TBL1XR1: variants seen among roughly 807,000 people sequenced by gnomAD.
TBL1XR1 encodes the protein F-box-like/WD repeat-containing protein TBL1XR1.
A neutral mutation model predicts 66.9 loss-of-function variants in TBL1XR1; 5 were observed. That is an observed-to-expected ratio of 0.07 (90% CI 0.04 to 0.16). The LOEUF (loss-of-function observed/expected upper bound fraction) is 0.16, where lower values mean the gene tolerates loss of function less well. TBL1XR1 is among the 10% of genes least tolerant of loss of function. The pLI is 1.00. For synonymous variants in TBL1XR1, 210 were observed against 206.0 expected, an observed-to-expected ratio of 1.02 and a Z score of -0.17; for missense variants, 238 against 623.2, an observed-to-expected ratio of 0.38 and a Z score of 6.58.
intron 14 of TBL1XR1, among the ~76,000 whole-genome samples, chr3:177,031,892 T>C (rs944244317): frequency 4.6e-5 from 7 of 151,994 alleles, no homozygotes; most frequent in African/African-American, 9.7e-5. Flanking sequence ...TTTTAGTCTA[T>C]AAAGAGCTGC....
intron 1 of TBL1XR1, among the ~76,000 whole-genome samples, chr3:177,192,839 C>T (rs1160392578): frequency 6.6e-6 from 1 of 152,144 alleles, no homozygotes; most frequent in African/African-American, 2.4e-5. Context: ...TGACTGTCCC[C>T]TTACACTGAT....
At chr3:177,070,169 T>C (rs751025108) in intron 2 of TBL1XR1, among the ~76,000 whole-genome samples, 5 of 152,166 alleles carry the variant, frequency 3.3e-5, no homozygotes, top group African/African-American at 4.8e-5. Context: ...ATGAGTCACT[T>C]TGATTTAAGT....
At chr3:177,125,568 CTTT>C (rs1015074499) in intron 1 of TBL1XR1, among the ~76,000 whole-genome samples, 1 of 152,056 alleles carries the variant, frequency 6.6e-6, no homozygotes, top group Admixed American at 6.6e-5. Context: ...TGACAAGTGT[CTTT>C]TTTATTTCAC....
At chr3:177,130,127 A>T (rs543779221) in intron 1 of TBL1XR1, among the ~76,000 whole-genome samples, 1 of 141,810 alleles carries the variant, frequency 7.1e-6, no homozygotes, top group Non-Finnish European at 1.5e-5. Flanking sequence ...CCTGGGCGAC[A>T]GACTGAGACT....
At chr3:177,191,416 C>T (rs1321383996) in intron 1 of TBL1XR1, among the ~76,000 whole-genome samples, 1 of 152,224 alleles carries the variant, frequency 6.6e-6, no homozygotes, top group African/African-American at 2.4e-5. Flanking sequence ...CTAGAATTCA[C>T]ACAAACTGGG....
At chr3:177,034,432 G>T in intron 12 of TBL1XR1, 107 bp from the exon 13 acceptor site, 1 of 660,416 alleles carries the variant, frequency 1.5e-6, no homozygotes, top group Non-Finnish European at 2.2e-6. Context: ...AAACATGAGT[G>T]ATATAACCAG....
chr3:177,032,571 G>C (rs920638027), intron 14 of TBL1XR1: 1 of 154,074 alleles, frequency 6.5e-6, no homozygotes, highest in Admixed American at 6.5e-5. Flanking sequence ...TAATGTAGTT[G>C]TAAGTTTCTT....
At chr3:177,053,656 G>A (rs1717408843) in intron 4 of TBL1XR1, 117 bp downstream of exon 4, 4 of 989,760 alleles carry the variant, frequency 4.0e-6, no homozygotes, top group Non-Finnish European at 6.0e-6. Context: ...TGAACTGCCT[G>A]CACTTTTGTT....
At position 177,170,654 on chromosome 3, in the gene TBL1XR1, G is replaced by A. The variant is rs147235765; in HGVS notation, c.-122+26467C>T. Reference sequence around the variant, plus strand: ...CAATGGTTTTTGTTGTTGTTGTTTTGGGACAGGGTCTCACTGTGTCACTCA... The same window carrying A: ...CAATGGTTTTTGTTGTTGTTGTTTTAGGACAGGGTCTCACTGTGTCACTCA... On this transcript the variant is annotated intron_variant, in intron 1 of 15. Transcript: ENST00000457928. Among the ~76,000 whole-genome samples, 460 of 152,128 alleles carry A rather than the reference G, an allele frequency of 3.0e-3. 1 individual carries two copies. Among genetic ancestry groups the A allele is most frequent in the African/African-American group, 0.011 (447 of 41,472 alleles).
intron 2 of TBL1XR1, among the ~76,000 whole-genome samples, chr3:177,072,801 C>A (rs949015452): frequency 6.6e-6 from 1 of 152,198 alleles, no homozygotes. Context: ...CAGTGGCTCA[C>A]GCCTGTAATC....
intron 2 of TBL1XR1, among the ~76,000 whole-genome samples, chr3:177,072,528 T>C (rs566146427): frequency 3.3e-5 from 5 of 152,126 alleles, no homozygotes; most frequent in Admixed American, 2.0e-4. Context: ...AAAGGTGATA[T>C]TATGAAAATC....
intron 2 of TBL1XR1, among the ~76,000 whole-genome samples, chr3:177,086,336 T>C (rs774472065): frequency 5.3e-5 from 8 of 152,062 alleles, no homozygotes; most frequent in South Asian, 4.1e-4. Context: ...CAATTCTGAC[T>C]AGTCTTATGT....
At chr3:177,160,391 G>A (rs540870974) in intron 1 of TBL1XR1, among the ~76,000 whole-genome samples, 38 of 151,662 alleles carry the variant, frequency 2.5e-4, no homozygotes, top group African/African-American at 8.5e-4. Flanking sequence ...GGAGAATGGC[G>A]CGAACCCGGG....
chr3:177,034,435 A>G (rs2108415347), intron 12 of TBL1XR1, 110 bp from the exon 13 acceptor site: 1 of 646,990 alleles, frequency 1.5e-6, no homozygotes, highest in Non-Finnish European at 2.3e-6. Context: ...CATGAGTGAT[A>G]TAACCAGAAT....
rs534521088 is a variant in TBL1XR1, at chr3:177,111,138, C to A, written c.-121-12597G>T. ...CAATCCAGGAGCTATTGTCTTTGCA[C>A]CTCTCCCTACTATCATCACCATCAC... is the stretch of plus-strand genomic sequence containing the variant. On this transcript the variant is annotated intron_variant, in intron 1 of 15. Coordinates refer to ENST00000457928, the MANE Select transcript of TBL1XR1 (RefSeq NM_024665.7). Among the ~76,000 whole-genome samples, 67 of 152,204 alleles carry A rather than the reference C, an allele frequency of 4.4e-4. No homozygotes were observed. In the South Asian group the frequency reaches 0.014, roughly 31 times the overall value.
chr3:177,116,099 T>G (rs750002839), intron 1 of TBL1XR1, among the ~76,000 whole-genome samples: 1 of 152,192 alleles, frequency 6.6e-6, no homozygotes, highest in Non-Finnish European at 1.5e-5. Flanking sequence ...TTCATCACAC[T>G]AAGGGCAATG....
At chr3:177,178,137 C>G (rs1166733495) in intron 1 of TBL1XR1, among the ~76,000 whole-genome samples, 2 of 152,162 alleles carry the variant, frequency 1.3e-5, no homozygotes, top group African/African-American at 4.8e-5. Flanking sequence ...GCTGGAATGG[C>G]TGGGCACGGT....
At chr3:177,082,605 G>A (rs1721539338) in intron 2 of TBL1XR1, among the ~76,000 whole-genome samples, 1 of 150,798 alleles carries the variant, frequency 6.6e-6, no homozygotes, top group Admixed American at 6.6e-5. Context: ...AACACTAGAT[G>A]TTACAGCACT....
intron 2 of TBL1XR1, among the ~76,000 whole-genome samples, chr3:177,067,609 A>T (rs918368400): frequency 2.0e-5 from 3 of 152,248 alleles, no homozygotes; most frequent in Non-Finnish European, 4.4e-5. Flanking sequence ...ATAATAAAAA[A>T]TACCAAATAA....
Sources: allele counts gnomAD v4.1 joint callset (sites outside exome capture counted in the v4.1 genomes callset), GRCh38; gene constraint gnomAD v4.1.1; transcripts MANE v1.5; gene names NCBI Gene and HGNC (gene_info 2026-07-23, HGNC 2026-07-21).